Variants in DENND5B observed in about 807,000 individuals in gnomAD.
DENND5B encodes DENN domain containing 5B, also known as DENN domain-containing protein 5B.
Under a neutral mutation model 140.6 loss-of-function variants are expected in DENND5B, and 34 were observed. The ratio of observed to expected loss-of-function variants is 0.24; its 90% CI spans 0.18 to 0.32. The LOEUF (loss-of-function observed/expected upper bound fraction) is 0.32, where lower values mean the gene tolerates loss of function less well. DENND5B is among the 10% of genes least tolerant of loss of function. The probability of loss-of-function intolerance (pLI) is 1.00; values close to 1 mark genes in which losing one functional copy is unlikely to be tolerated. For synonymous variants in DENND5B, 551 were observed against 562.1 expected (o/e 0.98, Z 0.28); for missense variants, 1,142 against 1,560.2 (o/e 0.73, Z 4.52).
At chr12:31,535,217 C>T in intron 1 of DENND5B, 1 of 239,666 alleles carries the variant, frequency 4.2e-6, no homozygotes, top group Non-Finnish European at 8.2e-6. Flanking sequence ...ACTGCATGAA[C>T]ATCTGCCTCT....
At chr12:31,573,812 G>A (rs1378506160) in intron 1 of DENND5B, among the ~76,000 whole-genome samples, 1 of 152,140 alleles carries the variant, frequency 6.6e-6, no homozygotes, top group Admixed American at 6.6e-5. Flanking sequence ...ATTCTGGCCA[G>A]GCACCGTGGT....
chr12:31,399,605 G>T, intron 16 of DENND5B, 49 bp downstream of exon 16: 1 of 1,460,006 alleles, frequency 6.8e-7, no homozygotes, highest in South Asian at 1.2e-5. Flanking sequence ...TTTCTTACCT[G>T]AAGAGTCTTA....
intron 1 of DENND5B, among the ~76,000 whole-genome samples, chr12:31,565,200 C>A (rs982252853): frequency 2.6e-5 from 4 of 151,986 alleles, no homozygotes; most frequent in African/African-American, 9.7e-5. Flanking sequence ...TGAGACCAGC[C>A]TGGGCAACAT....
intron 1 of DENND5B, among the ~76,000 whole-genome samples, chr12:31,580,532 T>C (rs1950179925): frequency 6.6e-6 from 1 of 152,188 alleles, no homozygotes; most frequent in South Asian, 2.1e-4. Flanking sequence ...TCTCACTCTG[T>C]TAACCAGGCT....
intron 15 of DENND5B, among the ~76,000 whole-genome samples, chr12:31,400,680 T>C (rs959057923): frequency 2.0e-5 from 3 of 152,328 alleles, no homozygotes; most frequent in African/African-American, 7.2e-5. Flanking sequence ...ATGGGGTGTC[T>C]GTCACCTCAA....
intron 14 of DENND5B, among the ~76,000 whole-genome samples, chr12:31,407,385 T>TC (rs1942183831): frequency 6.6e-6 from 1 of 152,208 alleles, no homozygotes; most frequent in Admixed American, 6.5e-5. Flanking sequence ...TGCCTTGGCC[T>TC]CCCAAAGCGC....
chr12:31,429,037 G>A (rs532633342), intron 8 of DENND5B, among the ~76,000 whole-genome samples: 13 of 145,010 alleles, frequency 9.0e-5, no homozygotes, highest in African/African-American at 2.3e-4. Flanking sequence ...GGCCACGCCC[G>A]GCTAATTTTT....
chr12:31,480,698 A>C (rs970239380), intron 2 of DENND5B, among the ~76,000 whole-genome samples: 2 of 152,364 alleles, frequency 1.3e-5, no homozygotes, highest in Middle Eastern at 6.8e-3. Context: ...GTACTCAAGT[A>C]TTTAATACAG....
chr12:31,544,378 C>T (rs929044647), intron 1 of DENND5B, among the ~76,000 whole-genome samples: 2 of 152,168 alleles, frequency 1.3e-5, no homozygotes, highest in African/African-American at 4.8e-5. Flanking sequence ...ACCTCCAGGG[C>T]TCAAGCAATC....
intron 1 of DENND5B, among the ~76,000 whole-genome samples, chr12:31,550,326 G>A (rs1949004736): frequency 6.7e-6 from 1 of 148,690 alleles, no homozygotes; most frequent in Non-Finnish European, 1.5e-5. Flanking sequence ...TTGGTTTTTG[G>A]TCCTTGCAAT....
intron 11 of DENND5B, among the ~76,000 whole-genome samples, chr12:31,420,538 G>C (rs921819747): frequency 1.3e-5 from 2 of 151,732 alleles, no homozygotes; most frequent in Non-Finnish European, 2.9e-5. Flanking sequence ...CTGCCTCCTG[G>C]GTTCAAGAGA....
intron 1 of DENND5B, among the ~76,000 whole-genome samples, chr12:31,580,692 G>A (rs75773192): frequency 0.011 from 1,743 of 152,136 alleles, 19 homozygotes; most frequent in East Asian, 0.032. Context: ...ACAGAGTTCC[G>A]CCATGTTGGT....
At chr12:31,566,256 GC>G (rs1261436311) in intron 1 of DENND5B, among the ~76,000 whole-genome samples, 1 of 151,922 alleles carries the variant, frequency 6.6e-6, no homozygotes, top group East Asian at 1.9e-4. Flanking sequence ...GGAGTTCGAG[GC>G]TATAGTGTGC....
Position 31,448,513 on chromosome 12 carries a change from C to T in DENND5B, c.1630-744G>A, listed in dbSNP as rs140889866. On this transcript the variant is annotated intron_variant, in intron 5 of 20. Coordinates refer to ENST00000389082, the MANE Select transcript of DENND5B (RefSeq NM_144973.4). ...AGCCACAAGGTAGTGAGATGATTAA[C>T]TGATACAATAAACACATCAGCATTA... is the stretch of plus-strand genomic sequence containing the variant. Among the ~76,000 whole-genome samples, 566 of 152,314 alleles carry T rather than the reference C, an allele frequency of 3.7e-3. 4 individuals are homozygous for T. Among genetic ancestry groups the T allele is most frequent in the African/African-American group, 0.011 (449 of 41,564 alleles).
intron 1 of DENND5B, among the ~76,000 whole-genome samples, chr12:31,524,863 C>T (rs1175345516): frequency 2.6e-5 from 4 of 152,160 alleles, no homozygotes; most frequent in Non-Finnish European, 4.4e-5. Context: ...CTGATTCTCT[C>T]ACCATTTCTC....
At chr12:31,486,064 AAAC>A (rs1319237622) in intron 2 of DENND5B, among the ~76,000 whole-genome samples, 2 of 152,234 alleles carry the variant, frequency 1.3e-5, no homozygotes, top group African/African-American at 4.8e-5. Context: ...AAGGGTCAGC[AAAC>A]AACAGCCCTG....
chr12:31,590,403 G>T (rs959598516), intron 1 of DENND5B: 2 of 199,114 alleles, frequency 1.0e-5, no homozygotes, highest in Non-Finnish European at 2.0e-5. Context: ...CTCCGAGTGC[G>T]GCTGCAAGCG....
chr12:31,498,950 G>C (rs538116570), intron 1 of DENND5B, among the ~76,000 whole-genome samples: 1 of 138,508 alleles, frequency 7.2e-6, no homozygotes, highest in Non-Finnish European at 1.5e-5. Context: ...TCTAGCCTGG[G>C]TGACAGAGTA....
chr12:31,464,539 G>C (rs1945168026), intron 3 of DENND5B, among the ~76,000 whole-genome samples: 2 of 151,920 alleles, frequency 1.3e-5, no homozygotes, highest in Non-Finnish European at 1.5e-5. Context: ...ATCTCCTAGA[G>C]AGCAATATAT....
Sources: allele counts gnomAD v4.1 joint callset (sites outside exome capture counted in the v4.1 genomes callset), GRCh38; gene constraint gnomAD v4.1.1; transcripts MANE v1.5; gene names NCBI Gene and HGNC (gene_info 2026-07-23, HGNC 2026-07-21).